Variants in TBXAS1 observed in about 807,000 individuals in gnomAD.
TBXAS1 encodes thromboxane A synthase 1, also known as thromboxane-A synthase.
A neutral mutation model predicts 60.7 loss-of-function variants in TBXAS1; 48 were observed. The ratio of observed to expected loss-of-function variants is 0.79; its 90% CI spans 0.63 to 1.01. The LOEUF (loss-of-function observed/expected upper bound fraction) is 1.01, where lower values mean the gene tolerates loss of function less well. Among genes scored for constraint, TBXAS1 ranks in the 50% least tolerant of loss-of-function variants. The probability of loss-of-function intolerance (pLI) is 0.00; values close to 1 mark genes in which losing one functional copy is unlikely to be tolerated. For missense variants in TBXAS1, 685 were observed against 686.3 expected, an observed-to-expected ratio of 1.00 and a Z score of 0.02; for synonymous variants, 287 against 269.7, an observed-to-expected ratio of 1.06 and a Z score of -0.63.
intron 3 of TBXAS1, among the ~76,000 whole-genome samples, chr7:139,890,146 C>T (rs1803447474): frequency 6.6e-6 from 1 of 151,692 alleles, no homozygotes; most frequent in Non-Finnish European, 1.5e-5. Flanking sequence ...TAGAAAGACT[C>T]CGAACCTTTC....
intron 3 of TBXAS1, among the ~76,000 whole-genome samples, chr7:139,901,708 A>G (rs1257553697): frequency 1.3e-5 from 2 of 152,014 alleles, no homozygotes; most frequent in Non-Finnish European, 2.9e-5. Flanking sequence ...AGGGCCAGGC[A>G]TTATTATTTC....
chr7:139,934,586 A>G (rs1255923980), intron 4 of TBXAS1, among the ~76,000 whole-genome samples: 1 of 152,220 alleles, frequency 6.6e-6, no homozygotes, highest in Non-Finnish European at 1.5e-5. Context: ...GGGGGTTTAA[A>G]CAATAGAAAT....
intron 10 of TBXAS1, among the ~76,000 whole-genome samples, chr7:140,011,488 T>A (rs1814616302): frequency 6.6e-6 from 1 of 152,224 alleles, no homozygotes; most frequent in African/African-American, 2.4e-5. Flanking sequence ...TAAATGAGAT[T>A]GTGCCATTGC....
intron 4 of TBXAS1, among the ~76,000 whole-genome samples, chr7:139,814,351 A>T (rs142528052): frequency 5.9e-5 from 9 of 152,298 alleles, no homozygotes; most frequent in African/African-American, 7.2e-5. Context: ...GGACTCTGGG[A>T]TGCCCTCCCC....
chr7:140,007,121 G>A lies in TBXAS1; in HGVS notation c.1165G>A (p.Gly389Ser), dbSNP rs1258779130. 5.6e-6 allele frequency: 9 copies of A among 1,614,146 alleles called. No individual in the cohort carries two copies. The highest frequency in any genetic ancestry group is 7.6e-6 in the Non-Finnish European group (9 of 1,180,022). The change falls in exon 10 of 13, where the codon GGC (glycine) becomes AGC (serine). Residue 389 changes from glycine to serine, a missense_variant. By Grantham distance (56) the Gly-to-Ser change is moderately conservative. Transcript: ENST00000448866. Reference sequence around the variant, plus strand: ...CCCTGAGTTCTGCAGCCTCGAGGAAGGCCTGCCCTATCTGGACATGGTGAT... The same window carrying A: ...CCCTGAGTTCTGCAGCCTCGAGGAAAGCCTGCCCTATCTGGACATGGTGAT... ...MAPEFCSLEE[G>S]LPYLDMVIAE... is the part of the protein sequence containing the mutation.
intron 9 of TBXAS1, among the ~76,000 whole-genome samples, chr7:139,964,918 C>A (rs1244361220): frequency 1.3e-5 from 2 of 152,148 alleles, no homozygotes; most frequent in African/African-American, 4.8e-5. Context: ...GAGGACACAG[C>A]AAGTGCTCAT....
Position 139,892,828 on chromosome 7 carries a change from G to T in TBXAS1, c.236+17191G>T, listed in dbSNP as rs193264551. On this transcript the variant is annotated intron_variant, in intron 3 of 12. Transcript: ENST00000448866. ...CAGAAGCCCCATACCTCACCAGCTCGGGGTGAGCTTCTTGAGTCCTGCACA... is the reference window on the plus strand; with the variant it reads ...CAGAAGCCCCATACCTCACCAGCTCTGGGTGAGCTTCTTGAGTCCTGCACA... 3.2e-3 allele frequency among the ~76,000 whole-genome samples: 487 copies of T among 152,136 alleles called. 3 individuals are homozygous for T. The highest frequency in any genetic ancestry group is 0.011 in the African/African-American group (464 of 41,490).
At chr7:139,859,495 C>T (rs140969740) in intron 1 of TBXAS1, among the ~76,000 whole-genome samples, 2,601 of 152,220 alleles carry the variant, frequency 0.017, 61 homozygotes, top group East Asian at 0.098. Context: ...CATAAGCCAC[C>T]GTGCCTGGCC....
chr7:140,004,725 G>A lies in TBXAS1; in HGVS notation c.1135-2366G>A, dbSNP rs939685569. On this transcript the variant is annotated intron_variant, in intron 9 of 12. Transcript: ENST00000448866. The surrounding 1 kb of genome is among the most constrained non-coding windows in gnomAD (Gnocchi z 5.1). ...AGGATCTAGGGAAATTGGTCCAGCT[G>A]TCTCCCCTTTCCACAGCCTTCCCCA... Among the ~76,000 whole-genome samples, 1 of 152,164 alleles carries A rather than the reference G, an allele frequency of 6.6e-6. No homozygotes were observed. Among genetic ancestry groups the A allele is most frequent in the Non-Finnish European group, 1.5e-5 (1 of 68,030 alleles).
intron 4 of TBXAS1, among the ~76,000 whole-genome samples, chr7:139,822,071 G>A (rs2116445035): frequency 6.6e-6 from 1 of 152,352 alleles, no homozygotes; most frequent in African/African-American, 2.4e-5. Context: ...AGTGTGGACA[G>A]TTATCACCAC....
intron 1 of TBXAS1, among the ~76,000 whole-genome samples, chr7:139,853,282 C>T (rs1020398257): frequency 2.6e-5 from 4 of 152,152 alleles, no homozygotes; most frequent in Non-Finnish European, 4.4e-5. Flanking sequence ...AGGGGCTTTT[C>T]GCATCCCCCG....
rs774376364 is a variant in TBXAS1, at chr7:139,829,432, C to T, written c.42C>T (p.Pro14=). The part of the protein sequence containing the change: ...LGFLKLEVNG[P]MVTVALSVAL... Reference sequence around the variant, plus strand: ...TTCTAAAATTGGAAGTGAATGGCCCCATGGTGACGGTGGCCCTGTCAGTGG... The same window carrying T: ...TTCTAAAATTGGAAGTGAATGGCCCTATGGTGACGGTGGCCCTGTCAGTGG... The change falls in exon 1 of 13, where the codon CCC becomes CCT. Residue 14 remains proline (P), a synonymous_variant. Coordinates refer to ENST00000448866, the MANE Select transcript of TBXAS1 (RefSeq NM_001061.7). 3 of 1,614,022 alleles carry T rather than the reference C, an allele frequency of 1.9e-6. No individual in the cohort carries two copies. The South Asian group carries it at 3.3e-5, about 18-fold the overall frequency.
chr7:140,009,831 CTGT>C, intron 10 of TBXAS1, among the ~76,000 whole-genome samples: 1 of 133,366 alleles, frequency 7.5e-6, no homozygotes. Context: ...TGCTCCACAC[CTGT>C]CCCATGCCCG....
intron 3 of TBXAS1, among the ~76,000 whole-genome samples, chr7:139,907,153 A>G (rs1318196464): frequency 6.6e-6 from 1 of 152,198 alleles, no homozygotes; most frequent in Non-Finnish European, 1.5e-5. Flanking sequence ...CACATTAAGT[A>G]TGACATTAGC....
chr7:140,008,352 C>T (rs1489257566), intron 10 of TBXAS1, among the ~76,000 whole-genome samples: 1 of 152,162 alleles, frequency 6.6e-6, no homozygotes, highest in African/African-American at 2.4e-5. Flanking sequence ...CTCTGTGCCC[C>T]CTCTCCCCAT....
At chr7:139,957,237 T>G (rs993337391) in intron 7 of TBXAS1, among the ~76,000 whole-genome samples, 5 of 152,196 alleles carry the variant, frequency 3.3e-5, no homozygotes, top group Non-Finnish European at 5.9e-5. Flanking sequence ...AGAAAGTTTG[T>G]AAAAAGTAAA....
rs1365379965 is a variant in TBXAS1, at chr7:139,911,283, G to A, written c.295G>A (p.Val99Met). 6.2e-7 allele frequency: 1 copy of A among 1,614,148 alleles called. No homozygotes were observed. The highest frequency in any genetic ancestry group is 1.7e-5 in the Admixed American group (1 of 60,018). The change falls in exon 4 of 13, where the codon GTG (valine) becomes ATG (methionine). Residue 99 changes from valine to methionine, a missense_variant. Coordinates refer to ENST00000448866, the MANE Select transcript of TBXAS1 (RefSeq NM_001061.7). ...TTCTGAGCCAGACATGATCAAGCAG[G>A]TGTTGGTTGAGAACTTCAGTAACTT... ...VISEPDMIKQVLVENFSNFTN... is the reference protein window; with the variant it reads ...VISEPDMIKQMLVENFSNFTN...
At position 140,004,150 on chromosome 7, in the gene TBXAS1, C is replaced by T. The variant is rs1391129275; in HGVS notation, c.1135-2941C>T. Among the ~76,000 whole-genome samples, 1 of 152,214 alleles carries T rather than the reference C, an allele frequency of 6.6e-6. No individual in the cohort carries two copies. Among genetic ancestry groups the T allele is most frequent in the Non-Finnish European group, 1.5e-5 (1 of 68,036 alleles). ...TTTCTTTGTCCCAGATCGAAATTTC[C>T]AGACTGGCCCCTTTGGGCCAGTCAA... On this transcript the variant is annotated intron_variant, in intron 9 of 12. Coordinates refer to ENST00000448866, the MANE Select transcript of TBXAS1 (RefSeq NM_001061.7). This position sits in a 1 kb window ranked among gnomAD's most constrained non-coding sequence, Gnocchi z 5.1.
intron 9 of TBXAS1, chr7:139,962,436 G>C: frequency 1.6e-6 from 1 of 612,116 alleles, no homozygotes; most frequent in Non-Finnish European, 2.8e-6. Flanking sequence ...ACAACAAAAA[G>C]ACAAATTGTG....
Sources: gnomAD v4.1 joint callset for allele counts (sites outside exome capture counted in the v4.1 genomes callset) on GRCh38, gnomAD v4.1.1 for gene constraint, Gnocchi (gnomAD v3.1) non-coding constraint, MANE v1.5 for transcripts, NCBI Gene and HGNC (gene_info 2026-07-23, HGNC 2026-07-21) for gene names.